The following MMS19 variants were observed in gnomAD, a reference collection of about 807,000 sequenced individuals.
The protein encoded by MMS19 is MMS19 nucleotide excision repair protein homolog.
A neutral mutation model predicts 129.8 loss-of-function variants in MMS19; 77 were observed. The observed-to-expected ratio is 0.59, with a 90% CI of 0.49 to 0.72. MMS19 has a LOEUF of 0.72. Among genes scored for constraint, MMS19 ranks in the 30% least tolerant of loss-of-function variants. The pLI is 0.00. For synonymous variants in MMS19, 491 were observed against 502.8 expected (o/e 0.98, Z 0.31); for missense variants, 1,168 against 1,266.3 (o/e 0.92, Z 1.18).
chr10:97,466,823 AGCTGGGT>A lies in MMS19; in HGVS notation c.1369_1375del (p.Thr457PhefsTer9). ...CAGTGTACGGATGCCAACAAGCTGAAGCTGGGTGCTGGGGTCTGTTAGAGCCATGAAT... is the reference window on the plus strand; with the variant it reads ...CAGTGTACGGATGCCAACAAGCTGAAGCTGGGGTCTGTTAGAGCCATGAAT... On this transcript the variant is annotated frameshift_variant, in exon 15 of 31. Transcript: ENST00000438925. LOFTEE classifies it high-confidence loss of function. The A allele has an allele frequency of 6.2e-7, 1 of 1,614,034 alleles. No homozygotes were observed. The highest frequency in any genetic ancestry group is 8.5e-7 in the Non-Finnish European group (1 of 1,179,896).
chr10:97,461,284 T>C, intron 23 of MMS19: 1 of 632,886 alleles, frequency 1.6e-6, no homozygotes. Flanking sequence ...ACTAGACTCT[T>C]TGTGCTCCCT....
At chr10:97,462,755 C>A in intron 19 of MMS19, 73 bp from the exon 20 acceptor site, 2 of 1,181,058 alleles carry the variant, frequency 1.7e-6, no homozygotes, top group Non-Finnish European at 2.5e-6. Flanking sequence ...TGGGTTCTGT[C>A]AGCATCACTG....
Position 97,458,738 on chromosome 10 carries a change from T to C in MMS19, c.3066-19A>G, listed in dbSNP as rs1338229603. ...CAGAAACCTGTAGGCAAAAAGAAAG[T>C]TGGCAGCATTAGTGATGAGGCTCAT... On this transcript the variant is annotated intron_variant, in intron 30 of 30. Coordinates refer to ENST00000438925, the MANE Select transcript of MMS19 (RefSeq NM_022362.5). 17 of 1,612,248 alleles carry C rather than the reference T, an allele frequency of 1.1e-5. No individual in the cohort carries two copies. The highest frequency in any genetic ancestry group is 1.4e-5 in the Non-Finnish European group (17 of 1,179,084).
Position 97,472,766 on chromosome 10 carries a change from G to A in MMS19, c.685-1905C>T, listed in dbSNP as rs990172540. ...CAGGGGCTACAGACTCGACCACCACGCCCAGTTAATTTTTGTATTTCTTAT... is the reference window on the plus strand; with the variant it reads ...CAGGGGCTACAGACTCGACCACCACACCCAGTTAATTTTTGTATTTCTTAT... On this transcript the variant is annotated intron_variant, in intron 8 of 30. Transcript: ENST00000438925. Among the ~76,000 whole-genome samples, 46 of 151,820 alleles carry A rather than the reference G, an allele frequency of 3.0e-4. 1 individual carries two copies. Among genetic ancestry groups the A allele is most frequent in the Admixed American group, 2.4e-3 (36 of 15,224 alleles).
intron 1 of MMS19, among the ~76,000 whole-genome samples, chr10:97,488,878 A>G (rs1173889488): frequency 6.6e-6 from 1 of 152,248 alleles, no homozygotes; most frequent in African/African-American, 2.4e-5. Flanking sequence ...CATGCCCATC[A>G]ATAAGAAACC....
intron 8 of MMS19, among the ~76,000 whole-genome samples, chr10:97,471,681 A>G (rs1370633709): frequency 6.6e-6 from 1 of 151,770 alleles, no homozygotes; most frequent in Non-Finnish European, 1.5e-5. Flanking sequence ...GCTAATTTTT[A>G]TATATTTTTT....
At chr10:97,469,269 C>A in intron 11 of MMS19, 165 bp from the exon 12 acceptor site, 3 of 493,254 alleles carry the variant, frequency 6.1e-6, no homozygotes, top group Non-Finnish European at 7.9e-6. Context: ...GTGTTCTTAC[C>A]AAGTCCTTAG....
chr10:97,469,051 G>A lies in MMS19; in HGVS notation c.978C>T (p.His326=), dbSNP rs1357862244. 1 of 1,583,600 alleles carries A rather than the reference G, an allele frequency of 6.3e-7. No homozygotes were observed. The highest frequency in any genetic ancestry group is 1.8e-5 in the Admixed American group (1 of 55,692). Residue 326 remains histidine (H), a synonymous_variant, in exon 12 of 31, where the codon CAC becomes CAT. Transcript: ENST00000438925. The part of the protein sequence containing the change: ...RVEAEGLAAL[H]SLTACLSRSV... ...AGCGAGACAAACACGCAGTCAGGGA[G>A]TGGAGGGCCGCCAGGCCCTCTGCCT...
Position 97,458,703 on chromosome 10 carries a change from G to C in MMS19, c.3082C>G (p.Pro1028Ala), listed in dbSNP as rs1409417745. 6.2e-7 allele frequency: 1 copy of C among 1,609,314 alleles called. No homozygotes were observed. The highest frequency in any genetic ancestry group is 2.2e-5 in the East Asian group (1 of 44,724). The change falls in exon 31 of 31, where the codon CCT (proline) becomes GCT (alanine). Residue 1028 changes from proline (P) to alanine (A), a missense_variant. Pro to Ala is a conservative substitution (Grantham distance 27). Coordinates refer to ENST00000438925, the MANE Select transcript of MMS19 (RefSeq NM_022362.5). Reference protein sequence around the residue: ...ARGEWFLLGSPGS With the variant: ...ARGEWFLLGSAGS The stretch of plus-strand genomic sequence containing the variant: ...CCAGGACTGAGGGCTCAGCTGCCAG[G>C]GCTCCCCAACAGAAACCTGTAGGCA...
intron 23 of MMS19, 170 bp from the exon 24 acceptor site, chr10:97,461,177 CAT>C: frequency 1.6e-6 from 1 of 630,872 alleles, no homozygotes; most frequent in Non-Finnish European, 2.7e-6. Flanking sequence ...CTGGTATTCT[CAT>C]AATACAGAGG....
At chr10:97,465,438 G>A (rs2033246906) in intron 18 of MMS19, among the ~76,000 whole-genome samples, 1 of 152,232 alleles carries the variant, frequency 6.6e-6, no homozygotes, top group African/African-American at 2.4e-5. Flanking sequence ...CCAGTAGCTG[G>A]GATTACAGGC....
chr10:97,462,780 C>T, intron 19 of MMS19, 98 bp from the exon 20 acceptor site: 1 of 907,972 alleles, frequency 1.1e-6, no homozygotes, highest in Non-Finnish European at 1.8e-6. Flanking sequence ...TGGGGCTTGA[C>T]TCTAGCCACG....
intron 1 of MMS19, among the ~76,000 whole-genome samples, chr10:97,491,172 A>C (rs2038805122): frequency 1.3e-5 from 2 of 152,232 alleles, no homozygotes; most frequent in South Asian, 4.1e-4. Context: ...AGGAGTTAAT[A>C]ATTGTACAGA....
chr10:97,481,792 T>A (rs2036845066), intron 2 of MMS19, among the ~76,000 whole-genome samples: 1 of 151,998 alleles, frequency 6.6e-6, no homozygotes, highest in South Asian at 2.1e-4. Context: ...AGAGTGTATA[T>A]AACTCAGAGT....
At position 97,458,823 on chromosome 10, in the gene MMS19, T is replaced by C; in HGVS notation, c.3042A>G (p.Glu1014=). Residue 1014 remains glutamate, a synonymous_variant, in exon 30 of 31, where the codon GAA becomes GAG. Transcript: ENST00000438925. ...ACCACTCCCCTCTGGCTGACACTGCTTCCTTGCGCACCAGTCTCTTCTTGT... is the reference window on the plus strand; with the variant it reads ...ACCACTCCCCTCTGGCTGACACTGCCTCCTTGCGCACCAGTCTCTTCTTGT... ...LDDKKRLVRK[E]AVSARGEWFL... is the part of the protein sequence containing the mutation. The C allele has an allele frequency of 1.2e-6, 2 of 1,613,988 alleles. No individual in the cohort carries two copies. Among genetic ancestry groups the C allele is most frequent in the Non-Finnish European group, 1.7e-6 (2 of 1,179,878 alleles).
rs770533509 is a variant in MMS19, at chr10:97,466,843, T to C, written c.1356A>G (p.Leu452=). 1.1e-5 allele frequency: 17 copies of C among 1,613,998 alleles called. No individual in the cohort carries two copies. The highest frequency in any genetic ancestry group is 2.2e-5 in the South Asian group (2 of 91,084). The change falls in exon 15 of 31, where the codon CTA becomes CTG. Residue 452 remains leucine (L), a synonymous_variant. Transcript: ENST00000438925. ...GCTGAAGCTGGGTGCTGGGGTCTGT[T>C]AGAGCCATGAATACCAGTGAGCACA... is the stretch of plus-strand genomic sequence containing the variant. The part of the protein sequence containing the change: ...DQLCSLVFMA[L]TDPSTQLQLV...
At position 97,496,511 on chromosome 10, in the gene MMS19, CAA is replaced by C. The variant is rs11357826; in HGVS notation, c.112+1760_112+1761del. Among the ~76,000 whole-genome samples, 708 of 108,020 alleles carry C rather than the reference CAA, an allele frequency of 6.6e-3. 2 individuals are homozygous for C. Among genetic ancestry groups the C allele is most frequent in the Non-Finnish European group, 9.5e-3 (481 of 50,772 alleles). The allele number at this position is 108,020 out of a possible 152,430, so 70.9% of individuals were successfully genotyped here. Reference sequence around the variant, plus strand: ...TGGCAGACAGAGAGGGACCTTGTCTCAAAAAAAAAAAAAAAAAAAGAGAAGAA... The same window carrying C: ...TGGCAGACAGAGAGGGACCTTGTCTCAAAAAAAAAAAAAAAAAGAGAAGAA... On this transcript the variant is annotated intron_variant, in intron 1 of 30. Coordinates refer to ENST00000438925, the MANE Select transcript of MMS19 (RefSeq NM_022362.5).
rs1221397113 is a variant in MMS19 at position 97,460,706 on chromosome 10, G to T, written c.2458C>A (p.Leu820Ile). 1 of 1,596,432 alleles carries T rather than the reference G, an allele frequency of 6.3e-7. No individual in the cohort carries two copies. The highest frequency in any genetic ancestry group is 1.1e-5 in the South Asian group (1 of 87,666). The change falls in exon 25 of 31, where the codon CTT becomes ATT. Residue 820 changes from leucine to isoleucine, a missense_variant. Leu to Ile is a conservative substitution (Grantham distance 5). Coordinates refer to ENST00000438925, the MANE Select transcript of MMS19 (RefSeq NM_022362.5). ...VLRYHPLSSC[L>I]TARLMGLLSD... ...CAGAAAGGACGTACCCGGGCTGTAAGGCAGGAGCTGAGAGGATGGTATCTG... is the reference window on the plus strand; with the variant it reads ...CAGAAAGGACGTACCCGGGCTGTAATGCAGGAGCTGAGAGGATGGTATCTG...
At chr10:97,497,804 G>A (rs917190745) in intron 1 of MMS19, among the ~76,000 whole-genome samples, 49 of 152,186 alleles carry the variant, frequency 3.2e-4, no homozygotes, top group African/African-American at 1.1e-3. Flanking sequence ...CTTAATTCCA[G>A]CCAGTCAGAG....
Sources: allele counts gnomAD v4.1 joint callset (sites outside exome capture counted in the v4.1 genomes callset), GRCh38; gene constraint gnomAD v4.1.1; transcripts MANE v1.5; gene names NCBI Gene and HGNC (gene_info 2026-07-23, HGNC 2026-07-21).